The following SLC24A2 variants were observed in gnomAD, a reference collection of about 807,000 sequenced individuals.
The protein encoded by SLC24A2 is sodium/potassium/calcium exchanger 2.
In SLC24A2, 36 loss-of-function variants were observed where a neutral mutation model predicts 62.0. The ratio of observed to expected loss-of-function variants is 0.58; its 90% CI spans 0.44 to 0.77. The LOEUF (loss-of-function observed/expected upper bound fraction) is 0.77. Ranked by LOEUF, SLC24A2 falls within the 30% of genes least tolerant of loss-of-function variation. The pLI is 0.00. For synonymous variants in SLC24A2, 358 were observed against 294.0 expected, an observed-to-expected ratio of 1.22 and a Z score of -2.23; for missense variants, 846 against 817.9, an observed-to-expected ratio of 1.03 and a Z score of -0.42.
the SLC24A2 span, among the ~76,000 whole-genome samples, chr9:19,827,597 C>T: frequency 6.6e-6 from 1 of 152,052 alleles, no homozygotes; most frequent in Non-Finnish European, 1.5e-5. Context: ...GGAAGTAAGG[C>T]TACATGCATG....
At chr9:19,982,774 G>A in the SLC24A2 span, among the ~76,000 whole-genome samples, 1 of 152,048 alleles carries the variant, frequency 6.6e-6, no homozygotes, top group Admixed American at 6.6e-5. Context: ...TGAAAATCCT[G>A]AACAAAATAC....
the SLC24A2 span, among the ~76,000 whole-genome samples, chr9:19,982,846 C>T: frequency 6.6e-6 from 1 of 152,020 alleles, no homozygotes. Flanking sequence ...GAAATTTATT[C>T]CAGGAATGCA....
At chr9:20,050,102 G>A in the SLC24A2 span, among the ~76,000 whole-genome samples, 54 of 151,904 alleles carry the variant, frequency 3.6e-4, no homozygotes, top group African/African-American at 1.1e-3. Flanking sequence ...GCTCCCCACC[G>A]CCCCACCAAA....
the SLC24A2 span, among the ~76,000 whole-genome samples, chr9:20,260,998 G>T: frequency 2.6e-5 from 4 of 151,856 alleles, no homozygotes; most frequent in South Asian, 4.2e-4. Flanking sequence ...TGGGACTACA[G>T]GCACCTGCCA....
intron 2 of SLC24A2, among the ~76,000 whole-genome samples, chr9:19,760,112 A>G (rs1822273872): frequency 6.6e-6 from 1 of 152,122 alleles, no homozygotes; most frequent in African/African-American, 2.4e-5. Context: ...TTGAGAAAAT[A>G]GAAACAAAAA....
At chr9:19,932,928 C>T in the SLC24A2 span, among the ~76,000 whole-genome samples, 1 of 152,220 alleles carries the variant, frequency 6.6e-6, no homozygotes, top group African/African-American at 2.4e-5. Context: ...TTAAGTCCTT[C>T]AAAGGAACCT....
At chr9:20,064,644 A>T in the SLC24A2 span, among the ~76,000 whole-genome samples, 1 of 152,238 alleles carries the variant, frequency 6.6e-6, no homozygotes, top group African/African-American at 2.4e-5. Context: ...AAATGTAAAC[A>T]GGATCACAAC....
At chr9:19,948,236 G>A in the SLC24A2 span, among the ~76,000 whole-genome samples, 1 of 152,200 alleles carries the variant, frequency 6.6e-6, no homozygotes, top group Non-Finnish European at 1.5e-5. Flanking sequence ...AAGGATAAGT[G>A]TATTGTGTGA....
the SLC24A2 span, among the ~76,000 whole-genome samples, chr9:20,095,760 T>TA: frequency 0.091 from 13,499 of 148,484 alleles, 1,036 homozygotes; most frequent in East Asian, 0.43. Context: ...GGTAATTTAT[T>TA]AAAAAAAAAA....
At chr9:19,792,708 C>CAA (rs143758432), upstream of SLC24A2, among the ~76,000 whole-genome samples, 53 of 148,244 alleles carry the variant, frequency 3.6e-4, no homozygotes, top group Middle Eastern at 7.0e-3. Flanking sequence ...AACTCCATCT[C>CAA]AAAAAAAAAA....
At chr9:20,260,849 C>CTTTTTTTTTTTTTTTTT in the SLC24A2 span, among the ~76,000 whole-genome samples, 1 of 90,280 alleles carries the variant, frequency 1.1e-5, no homozygotes, top group African/African-American at 4.7e-5. Flanking sequence ...ATCATTCTTT[C>CTTTTTTTTTTTTTTTTT]TTTTTTTTTT....
the SLC24A2 span, among the ~76,000 whole-genome samples, chr9:20,301,841 T>A: frequency 1.1e-4 from 17 of 152,202 alleles, no homozygotes; most frequent in Non-Finnish European, 2.4e-4. Flanking sequence ...AGGTATCCAC[T>A]ATTATAGTAT....
At chr9:20,203,771 A>T in the SLC24A2 span, among the ~76,000 whole-genome samples, 3 of 152,096 alleles carry the variant, frequency 2.0e-5, no homozygotes, top group Admixed American at 2.0e-4. Flanking sequence ...AAACTGGAAG[A>T]AAAAATACAT....
chr9:20,156,548 G>A, the SLC24A2 span, among the ~76,000 whole-genome samples: 1 of 151,718 alleles, frequency 6.6e-6, no homozygotes, highest in East Asian at 1.9e-4. Flanking sequence ...GTCACAAACT[G>A]TCTCAGATCT....
the SLC24A2 span, among the ~76,000 whole-genome samples, chr9:19,972,891 C>T: frequency 9.9e-5 from 15 of 152,246 alleles, no homozygotes; most frequent in African/African-American, 3.6e-4. Flanking sequence ...TAATCTAATG[C>T]CCAAATTAAT....
the SLC24A2 span, among the ~76,000 whole-genome samples, chr9:20,184,101 G>T: frequency 6.6e-6 from 1 of 152,086 alleles, no homozygotes; most frequent in East Asian, 1.9e-4. Context: ...TTAAAAATGG[G>T]CAAAGAACCT....
the SLC24A2 span, among the ~76,000 whole-genome samples, chr9:19,985,948 T>A: frequency 6.6e-6 from 1 of 152,040 alleles, no homozygotes; most frequent in African/African-American, 2.4e-5. Context: ...AATTAAAAAC[T>A]TTTTTGCATC....
the SLC24A2 span, among the ~76,000 whole-genome samples, chr9:20,041,505 G>A: frequency 6.6e-6 from 1 of 152,176 alleles, no homozygotes; most frequent in Admixed American, 6.5e-5. Context: ...TTTCTGACTT[G>A]GAACATCCAC....
the SLC24A2 span, among the ~76,000 whole-genome samples, chr9:19,991,301 G>A: frequency 9.1e-4 from 138 of 152,214 alleles, no homozygotes; most frequent in Non-Finnish European, 1.2e-3. Context: ...TCTGATGTTC[G>A]AGGGCAGGAA....
Sources: allele counts gnomAD v4.1 joint callset (sites outside exome capture counted in the v4.1 genomes callset), GRCh38; gene constraint gnomAD v4.1.1; transcripts MANE v1.5; gene names NCBI Gene and HGNC (gene_info 2026-07-23, HGNC 2026-07-21).